The following COL26A1 variants were observed in gnomAD, a reference collection of about 807,000 sequenced individuals.
COL26A1 encodes the protein collagen alpha-1(XXVI) chain.
In COL26A1, 41 loss-of-function variants were observed where a neutral mutation model predicts 59.3. That is an observed-to-expected ratio of 0.69 (90% CI 0.54 to 0.90). COL26A1 has a LOEUF of 0.90. Ranked by LOEUF, COL26A1 falls within the 40% of genes least tolerant of loss-of-function variation. COL26A1 has a pLI of 0.00. For missense variants in COL26A1, 612 were observed against 602.3 expected (o/e 1.02, Z -0.17); for synonymous variants, 266 against 256.0 (o/e 1.04, Z -0.37).
At chr7:101,442,782 G>A (rs187283848) in intron 2 of COL26A1, among the ~76,000 whole-genome samples, 9 of 152,298 alleles carry the variant, frequency 5.9e-5, no homozygotes, top group South Asian at 4.1e-4. Context: ...ACATAATTGC[G>A]TACAAGTGTG....
intron 3 of COL26A1, among the ~76,000 whole-genome samples, chr7:101,516,855 A>G (rs990762757): frequency 1.1e-4 from 17 of 152,320 alleles, no homozygotes; most frequent in African/African-American, 4.1e-4. Flanking sequence ...TTAAAGAACT[A>G]TTCGGGGCAG....
At chr7:101,407,941 G>T (rs1251519060) in intron 1 of COL26A1, among the ~76,000 whole-genome samples, 2 of 152,172 alleles carry the variant, frequency 1.3e-5, no homozygotes, top group African/African-American at 4.8e-5. Flanking sequence ...GGTATAAATA[G>T]GAGTGAAGCT....
intron 3 of COL26A1, 35 bp from the exon 4 acceptor site, chr7:101,533,047 A>G (rs755578071): frequency 6.5e-7 from 1 of 1,542,030 alleles, no homozygotes; most frequent in Non-Finnish European, 8.8e-7. Context: ...TAGGGTCTAC[A>G]CTCTGCTCTC....
At position 101,557,532 on chromosome 7, in the gene COL26A1, A is replaced by C. The variant is rs753961686; in HGVS notation, c.*2A>C. On this transcript the variant is annotated 3_prime_UTR_variant, in exon 13 of 13. Transcript: ENST00000313669. ...GACCAGGCCAGCAGCAGGAAGTGAG[A>C]GCCCACTGCTCCAGGACACCCTGTC... 20 of 1,604,490 alleles carry C rather than the reference A, an allele frequency of 1.2e-5. No individual in the cohort carries two copies. The highest frequency in any genetic ancestry group is 1.7e-5 in the Non-Finnish European group (20 of 1,173,504).
intron 4 of COL26A1, among the ~76,000 whole-genome samples, chr7:101,534,977 C>T (rs1477814465): frequency 2.6e-5 from 4 of 152,238 alleles, no homozygotes; most frequent in East Asian, 1.9e-4. Flanking sequence ...ACGCCAGCCA[C>T]GTCACTGTTC....
chr7:101,489,178 T>C (rs1794331826), intron 3 of COL26A1, among the ~76,000 whole-genome samples: 1 of 152,194 alleles, frequency 6.6e-6, no homozygotes, highest in Non-Finnish European at 1.5e-5. Context: ...ATTTTTTTTT[T>C]CCTCTTGTGG....
At chr7:101,489,168 AT>A (rs570855960) in intron 3 of COL26A1, among the ~76,000 whole-genome samples, 4 of 150,364 alleles carry the variant, frequency 2.7e-5, no homozygotes, top group Middle Eastern at 3.2e-3. Context: ...GAGAGCCGTG[AT>A]TTTTTTTTTC....
chr7:101,380,569 T>G (rs2117028261), intron 1 of COL26A1, among the ~76,000 whole-genome samples: 1 of 152,238 alleles, frequency 6.6e-6, no homozygotes, highest in East Asian at 1.9e-4. Flanking sequence ...TTTACCTTCT[T>G]AATAAATTTG....
intron 10 of COL26A1, among the ~76,000 whole-genome samples, chr7:101,551,612 T>A (rs1460257627): frequency 6.6e-6 from 1 of 152,066 alleles, no homozygotes; most frequent in African/African-American, 2.4e-5. Flanking sequence ...CTGAGTGTGG[T>A]GGTACGCATC....
At chr7:101,456,290 C>A (rs953167721) in intron 3 of COL26A1, among the ~76,000 whole-genome samples, 16 of 151,440 alleles carry the variant, frequency 1.1e-4, no homozygotes, top group Non-Finnish European at 2.1e-4. Context: ...TGGCTCACTG[C>A]AACCTTGACC....
intron 12 of COL26A1, 22 bp from the exon 13 acceptor site, chr7:101,557,348 C>G (rs781587304): frequency 1.2e-6 from 2 of 1,601,824 alleles, no homozygotes; most frequent in Non-Finnish European, 1.7e-6. Context: ...ACCTCGAGTC[C>G]ACCCTCCTGC....
chr7:101,502,534 C>T lies in COL26A1; in HGVS notation c.386-30548C>T, dbSNP rs558911473. On this transcript the variant is annotated intron_variant, in intron 3 of 12. Coordinates refer to ENST00000313669, the MANE Select transcript of COL26A1 (RefSeq NM_001278563.3). ...TAACAGGTCCCAGACTCAGAAACTC[C>T]TGCCAAGCTGGAGGCTAAGGCCCCT... Among the ~76,000 whole-genome samples, 3 of 152,340 alleles carry T rather than the reference C, an allele frequency of 2.0e-5. No individual in the cohort carries two copies. In the East Asian group the frequency reaches 5.8e-4, roughly 29 times the overall value.
At chr7:101,470,003 A>T (rs1793855521) in intron 3 of COL26A1, among the ~76,000 whole-genome samples, 1 of 152,150 alleles carries the variant, frequency 6.6e-6, no homozygotes, top group Admixed American at 6.6e-5. Flanking sequence ...ACAGACACAC[A>T]AAGAATGATG....
chr7:101,444,419 T>C (rs1793136115), intron 2 of COL26A1, among the ~76,000 whole-genome samples: 1 of 50,846 alleles, frequency 2.0e-5, no homozygotes, highest in Admixed American at 3.4e-4. Flanking sequence ...CCTTTCTTCT[T>C]TTTTTTTTTT....
At chr7:101,544,528 CTTTTT>C (rs58206894) in intron 6 of COL26A1, among the ~76,000 whole-genome samples, 2 of 98,632 alleles carry the variant, frequency 2.0e-5, no homozygotes, top group Non-Finnish European at 3.8e-5. Context: ...CCTCACCTGG[CTTTTT>C]TTTTTTTTTT....
In COL26A1 at chr7:101,498,654, C is replaced by T. The variant is rs539791080; in HGVS notation, c.386-34428C>T. On this transcript the variant is annotated intron_variant, in intron 3 of 12. Coordinates refer to ENST00000313669, the MANE Select transcript of COL26A1 (RefSeq NM_001278563.3). ...CATGTAGTGGAGTCTCCACTCTGCACACTCTGGATTTATTTCGTGATGTTG... is the reference window on the plus strand; with the variant it reads ...CATGTAGTGGAGTCTCCACTCTGCATACTCTGGATTTATTTCGTGATGTTG... Among the ~76,000 whole-genome samples the T allele has an allele frequency of 5.3e-5, 8 of 152,326 alleles. No individual in the cohort carries two copies. In the South Asian group the frequency reaches 1.7e-3, roughly 32 times the overall value.
chr7:101,438,505 C>T (rs1035052706), intron 2 of COL26A1, among the ~76,000 whole-genome samples: 3 of 151,464 alleles, frequency 2.0e-5, no homozygotes, highest in African/African-American at 7.3e-5. Flanking sequence ...CTGGCTCCTC[C>T]ACTTTCTGTT....
intron 1 of COL26A1, among the ~76,000 whole-genome samples, chr7:101,385,743 C>T (rs1249874089): frequency 2.6e-5 from 4 of 151,074 alleles, no homozygotes; most frequent in South Asian, 2.1e-4. Context: ...CTCACTCTGT[C>T]GCCCAGGTTG....
rs185715306 is a variant in COL26A1 at position 101,538,200 on chromosome 7, C to T, written c.448-1693C>T. Among the ~76,000 whole-genome samples the T allele has an allele frequency of 4.6e-4, 70 of 152,266 alleles. 1 individual carries two copies. Among genetic ancestry groups the T allele is most frequent in the Admixed American group, 3.7e-3 (56 of 15,294 alleles). ...AGAGCCCCTAAACTTGGCTGTGGCC[C>T]GTCAGCTTCTTCAGGGGTGCCAGTG... On this transcript the variant is annotated intron_variant, in intron 4 of 12. Coordinates refer to ENST00000313669, the MANE Select transcript of COL26A1 (RefSeq NM_001278563.3).
Sources: gnomAD v4.1 joint callset for allele counts (sites outside exome capture counted in the v4.1 genomes callset) on GRCh38, gnomAD v4.1.1 for gene constraint, MANE v1.5 for transcripts, NCBI Gene and HGNC (gene_info 2026-07-23, HGNC 2026-07-21) for gene names.